SHISA9: variants seen among roughly 807,000 people sequenced by gnomAD.
SHISA9 encodes protein shisa-9.
SHISA9 carries 13 observed loss-of-function variants against 38.0 expected under a neutral mutation model. That is an observed-to-expected ratio of 0.34 (90% CI 0.22 to 0.54). SHISA9 has a LOEUF of 0.54. Among genes scored for constraint, SHISA9 ranks in the 20% least tolerant of loss-of-function variants. The pLI, the probability that SHISA9 is intolerant of heterozygous loss-of-function variation, is 0.91. For missense variants in SHISA9, 538 were observed against 575.8 expected, an observed-to-expected ratio of 0.93 and a Z score of 0.67; for synonymous variants, 275 against 242.0, an observed-to-expected ratio of 1.14 and a Z score of -1.27.
At chr16:13,024,394 T>C (rs2072895642) in intron 2 of SHISA9, among the ~76,000 whole-genome samples, 1 of 152,216 alleles carries the variant, frequency 6.6e-6, no homozygotes, top group African/African-American at 2.4e-5. Context: ...ACAGCCCAGT[T>C]GGCCCAGAGC....
chr16:13,557,659 G>T, the SHISA9 span, among the ~76,000 whole-genome samples: 1 of 152,160 alleles, frequency 6.6e-6, no homozygotes, highest in Non-Finnish European at 1.5e-5. Context: ...ACGCCAAGGT[G>T]CGCTAATGGA....
chr16:13,277,262 C>A, the SHISA9 span, among the ~76,000 whole-genome samples: 2 of 151,974 alleles, frequency 1.3e-5, no homozygotes, highest in Non-Finnish European at 1.5e-5. Context: ...CTATTCTGTT[C>A]CATTGGTCTA....
chr16:13,032,684 T>G (rs1395932662), intron 2 of SHISA9, among the ~76,000 whole-genome samples: 1 of 152,208 alleles, frequency 6.6e-6, no homozygotes, highest in African/African-American at 2.4e-5. Context: ...CATCTACTTC[T>G]TTCTATTACA....
At chr16:13,078,781 A>G (rs1326096316) in intron 2 of SHISA9, among the ~76,000 whole-genome samples, 1 of 152,218 alleles carries the variant, frequency 6.6e-6, no homozygotes, top group African/African-American at 2.4e-5. Flanking sequence ...ACTGTGTGCC[A>G]GGCTCTATTC....
intron 2 of SHISA9, among the ~76,000 whole-genome samples, chr16:13,162,597 C>T (rs1204587999): frequency 6.6e-6 from 1 of 152,156 alleles, no homozygotes; most frequent in Non-Finnish European, 1.5e-5. Flanking sequence ...TGGGCTATGG[C>T]AAATGGAACG....
chr16:13,018,365 G>A (rs544732719), intron 2 of SHISA9, among the ~76,000 whole-genome samples: 1 of 152,192 alleles, frequency 6.6e-6, no homozygotes, highest in African/African-American at 2.4e-5. Context: ...TGTCGCAATG[G>A]CCAGTGAAGA....
chr16:13,326,081 A>G, the SHISA9 span, among the ~76,000 whole-genome samples: 1 of 151,434 alleles, frequency 6.6e-6, no homozygotes, highest in Non-Finnish European at 1.5e-5. Flanking sequence ...AAAAAAAAAA[A>G]GAAAGAAAAA....
At chr16:13,137,865 GTTTC>G (rs1175997857) in intron 2 of SHISA9, among the ~76,000 whole-genome samples, 1 of 152,132 alleles carries the variant, frequency 6.6e-6, no homozygotes, top group Non-Finnish European at 1.5e-5. Flanking sequence ...TTGTCCAGCT[GTTTC>G]TTTGCCTGAA....
intron 2 of SHISA9, among the ~76,000 whole-genome samples, chr16:12,950,130 C>G (rs1229366118): frequency 6.6e-6 from 1 of 152,204 alleles, no homozygotes; most frequent in Admixed American, 6.5e-5. Flanking sequence ...ATTTGTCTTT[C>G]TGTGCCTGAC....
chr16:13,293,628 T>C, the SHISA9 span, among the ~76,000 whole-genome samples: 1 of 152,222 alleles, frequency 6.6e-6, no homozygotes, highest in Non-Finnish European at 1.5e-5. Context: ...TTATTGGCAA[T>C]GTTTTTGTTA....
At chr16:12,941,451 A>T (rs2071610442) in intron 2 of SHISA9, among the ~76,000 whole-genome samples, 2 of 152,256 alleles carry the variant, frequency 1.3e-5, no homozygotes, top group Non-Finnish European at 2.9e-5. Context: ...TGATACAGGC[A>T]TGCAATGCAT....
At chr16:13,295,312 A>G in the SHISA9 span, among the ~76,000 whole-genome samples, 5 of 152,200 alleles carry the variant, frequency 3.3e-5, no homozygotes, top group Non-Finnish European at 5.9e-5. Context: ...TGACCGAAAG[A>G]GTTGGTCTGC....
At chr16:13,211,308 G>GAA (rs199937656) in intron 3 of SHISA9, among the ~76,000 whole-genome samples, 1 of 142,400 alleles carries the variant, frequency 7.0e-6, no homozygotes, top group Non-Finnish European at 1.5e-5. Flanking sequence ...TCTGTCTCAA[G>GAA]AAAAGAAAAA....
chr16:13,434,667 C>T, the SHISA9 span, among the ~76,000 whole-genome samples: 1 of 152,068 alleles, frequency 6.6e-6, no homozygotes, highest in Non-Finnish European at 1.5e-5. Flanking sequence ...ATCCGCCCAC[C>T]TCGGCGTCCC....
chr16:13,234,281 GAAAC>G (rs1464423683), intron 4 of SHISA9, among the ~76,000 whole-genome samples: 1 of 152,146 alleles, frequency 6.6e-6, no homozygotes, highest in Non-Finnish European at 1.5e-5. Context: ...TTGAGAAATA[GAAAC>G]AAACTTATTT....
At chr16:13,015,859 T>TTTGTTTCTTTCTTTCTTTCTTTC (rs2072739580) in intron 2 of SHISA9, among the ~76,000 whole-genome samples, 1 of 56,770 alleles carries the variant, frequency 1.8e-5, no homozygotes, top group Non-Finnish European at 3.7e-5. Flanking sequence ...TTTCCCTTTC[T>TTTGTTTCTTTCTTTCTTTCTTTC]TTCTTTCTTT....
At chr16:13,269,511 C>T in the SHISA9 span, among the ~76,000 whole-genome samples, 1 of 152,194 alleles carries the variant, frequency 6.6e-6, no homozygotes, top group Admixed American at 6.5e-5. Context: ...GGTCTCTTAA[C>T]AGTGAGCCAG....
intron 2 of SHISA9, among the ~76,000 whole-genome samples, chr16:13,135,315 T>G (rs1210710012): frequency 6.6e-6 from 1 of 152,238 alleles, no homozygotes; most frequent in Non-Finnish European, 1.5e-5. Context: ...ATGCACCACC[T>G]GGATCCTTCT....
chr16:13,232,142 T>C (rs1342605088), intron 4 of SHISA9, among the ~76,000 whole-genome samples: 1 of 152,190 alleles, frequency 6.6e-6, no homozygotes, highest in Non-Finnish European at 1.5e-5. Flanking sequence ...CTTTAACCTT[T>C]ATGTAAGTTC....
Sources: gnomAD v4.1 joint callset for allele counts (sites outside exome capture counted in the v4.1 genomes callset) on GRCh38, gnomAD v4.1.1 for gene constraint, MANE v1.5 for transcripts, NCBI Gene and HGNC (gene_info 2026-07-23, HGNC 2026-07-21) for gene names.